Variants in CDH18 observed in about 807,000 individuals in gnomAD.
CDH18 encodes the protein cadherin-18.
A neutral mutation model predicts 67.9 loss-of-function variants in CDH18; 31 were observed. That is an observed-to-expected ratio of 0.46 (90% CI 0.34 to 0.62). The LOEUF is 0.62. CDH18 is among the 20% of genes least tolerant of loss of function. The pLI is 0.01. For synonymous variants in CDH18, 362 were observed against 347.2 expected, an observed-to-expected ratio of 1.04 and a Z score of -0.48; for missense variants, 890 against 975.5, an observed-to-expected ratio of 0.91 and a Z score of 1.17.
At chr5:20,331,795 T>C (rs1739214787) in intron 1 of CDH18, among the ~76,000 whole-genome samples, 1 of 152,212 alleles carries the variant, frequency 6.6e-6, no homozygotes, top group South Asian at 2.1e-4. Context: ...CAATATTCAG[T>C]AGCCAAGTTC....
At chr5:20,360,829 T>C (rs1461581205) in intron 1 of CDH18, among the ~76,000 whole-genome samples, 2 of 151,998 alleles carry the variant, frequency 1.3e-5, no homozygotes, top group South Asian at 2.1e-4. Flanking sequence ...GTAAGCCTAA[T>C]TTTTTTTCAA....
rs536059433 is a variant in CDH18, at chr5:19,814,594, C to T, written c.228+24165G>A. ...GGAGGGCGTTAAAACTTTCACGAACCCTATACCCTTTTGCACTTGTAGGTC... is the reference window on the plus strand; with the variant it reads ...GGAGGGCGTTAAAACTTTCACGAACTCTATACCCTTTTGCACTTGTAGGTC... On this transcript the variant is annotated intron_variant, in intron 3 of 12. Transcript: ENST00000382275. Among the ~76,000 whole-genome samples, 19 of 151,886 alleles carry T rather than the reference C, an allele frequency of 1.3e-4. No homozygotes were observed. In the South Asian group the frequency reaches 3.5e-3, roughly 28 times the overall value.
At chr5:20,273,252 A>C (rs965167647) in intron 1 of CDH18, among the ~76,000 whole-genome samples, 1 of 152,082 alleles carries the variant, frequency 6.6e-6, no homozygotes, top group Non-Finnish European at 1.5e-5. Context: ...GGTGCCTATA[A>C]ATATTATTAA....
intron 11 of CDH18, among the ~76,000 whole-genome samples, chr5:19,499,497 G>A (rs1366108485): frequency 2.6e-5 from 4 of 151,834 alleles, no homozygotes; most frequent in Non-Finnish European, 5.9e-5. Context: ...ATATCTCTAT[G>A]TGGATCTATA....
chr5:20,340,023 G>T (rs1740123723), intron 1 of CDH18, among the ~76,000 whole-genome samples: 1 of 152,150 alleles, frequency 6.6e-6, no homozygotes, highest in African/African-American at 2.4e-5. Flanking sequence ...AAGCACCAGA[G>T]AATGGAGAAG....
At chr5:19,755,462 C>CATCTATAT (rs375579381) in intron 3 of CDH18, among the ~76,000 whole-genome samples, 1 of 79,256 alleles carries the variant, frequency 1.3e-5, no homozygotes, top group African/African-American at 4.1e-5. Flanking sequence ...TATATATACA[C>CATCTATAT]ACACACACAC....
At chr5:19,514,464 A>G (rs1745628841) in intron 10 of CDH18, among the ~76,000 whole-genome samples, 1 of 152,226 alleles carries the variant, frequency 6.6e-6, no homozygotes. Flanking sequence ...TCCCATCAAC[A>G]GTGTAAAAGT....
At chr5:20,054,572 A>G (rs1741735305) in intron 2 of CDH18, among the ~76,000 whole-genome samples, 1 of 152,116 alleles carries the variant, frequency 6.6e-6, no homozygotes, top group African/African-American at 2.4e-5. Context: ...CGTCTATTTT[A>G]TAGCTATCAT....
chr5:20,222,776 T>C (rs1473952948), intron 2 of CDH18, among the ~76,000 whole-genome samples: 2 of 151,980 alleles, frequency 1.3e-5, no homozygotes, highest in African/African-American at 2.4e-5. Flanking sequence ...TTTAACAAAA[T>C]GAACCAGAAG....
intron 1 of CDH18, among the ~76,000 whole-genome samples, chr5:20,529,023 G>A (rs1189683459): frequency 6.6e-6 from 1 of 151,768 alleles, no homozygotes; most frequent in East Asian, 1.9e-4. Flanking sequence ...AGAAAAGAGA[G>A]AAGATTCAAA....
At chr5:20,544,871 C>T (rs540985492) in intron 1 of CDH18, among the ~76,000 whole-genome samples, 103 of 152,294 alleles carry the variant, frequency 6.8e-4, no homozygotes, top group African/African-American at 2.4e-3. Context: ...CCAGCATTAA[C>T]TCAAAAGTTC....
intron 7 of CDH18, among the ~76,000 whole-genome samples, chr5:19,572,860 C>A (rs890229571): frequency 3.7e-4 from 57 of 152,244 alleles, no homozygotes; most frequent in African/African-American, 1.3e-3. Flanking sequence ...GGATCCTTAT[C>A]AGGATCCTGT....
chr5:19,794,539 C>A (rs1475364222), intron 3 of CDH18, among the ~76,000 whole-genome samples: 3 of 152,018 alleles, frequency 2.0e-5, no homozygotes, highest in African/African-American at 4.8e-5. Context: ...AAACCAATTC[C>A]CATAAATTGA....
chr5:20,094,646 T>G (rs1745725004), intron 2 of CDH18, among the ~76,000 whole-genome samples: 1 of 152,138 alleles, frequency 6.6e-6, no homozygotes, highest in African/African-American at 2.4e-5. Context: ...CCTTGAACAG[T>G]GGTTTGTAGC....
At chr5:20,458,814 AAATATT>A (rs1467159284) in intron 1 of CDH18, among the ~76,000 whole-genome samples, 2 of 152,184 alleles carry the variant, frequency 1.3e-5, no homozygotes, top group African/African-American at 4.8e-5. Context: ...TCACTCCACT[AAATATT>A]AATACAAACA....
rs1189803956 is a variant in CDH18, at chr5:19,741,241, ATATGTATGTATATATG to A, written c.523+5685_523+5700del. ...TATATATACATGTATATATGTACAT[ATATGTATGTATATATG>A]TATACATATATACATATATACGTGT... On this transcript the variant is annotated intron_variant, in intron 4 of 12. Transcript: ENST00000382275. 5.7e-4 allele frequency among the ~76,000 whole-genome samples: 15 copies of A among 26,324 alleles called. No individual in the cohort carries two copies. In the East Asian group the frequency reaches 0.035, roughly 61 times the overall value. 17.3% of individuals were successfully genotyped at this position (26,324 alleles called of 152,430 possible).
At chr5:20,289,521 C>G (rs572903931) in intron 1 of CDH18, among the ~76,000 whole-genome samples, 1 of 151,886 alleles carries the variant, frequency 6.6e-6, no homozygotes, top group African/African-American at 2.4e-5. Context: ...GTGCACTACA[C>G]TAGGTGACAG....
chr5:19,996,056 G>T (rs1021785467), intron 2 of CDH18, among the ~76,000 whole-genome samples: 2 of 152,004 alleles, frequency 1.3e-5, no homozygotes, highest in Non-Finnish European at 2.9e-5. Context: ...TCACAAAAAA[G>T]GGTTATTTTA....
intron 6 of CDH18, among the ~76,000 whole-genome samples, chr5:19,600,296 A>G (rs897560675): frequency 1.4e-4 from 22 of 152,128 alleles, no homozygotes; most frequent in African/African-American, 4.3e-4. Flanking sequence ...ATGTATACAT[A>G]TGTAACAAAC....
Sources: gnomAD v4.1 joint callset for allele counts (sites outside exome capture counted in the v4.1 genomes callset) on GRCh38, gnomAD v4.1.1 for gene constraint, MANE v1.5 for transcripts, NCBI Gene and HGNC (gene_info 2026-07-23, HGNC 2026-07-21) for gene names.